The following SPMIP7 variants were observed in gnomAD, a reference collection of about 807,000 sequenced individuals.
The protein encoded by SPMIP7 is protein SPMIP7.
the SPMIP7 span, among the ~76,000 whole-genome samples, chr7:50,155,851 G>A: frequency 6.6e-6 from 1 of 151,894 alleles, no homozygotes; most frequent in African/African-American, 2.4e-5. Context: ...CACACATACT[G>A]CACATACAGC....
At chr7:50,151,578 T>A in the SPMIP7 span, 3 of 1,476,590 alleles carry the variant, frequency 2.0e-6, no homozygotes, top group Non-Finnish European at 2.8e-6. Context: ...ATCCTATTAC[T>A]CAATTTGCTC....
the SPMIP7 span, among the ~76,000 whole-genome samples, chr7:50,125,311 C>CAT: frequency 1.5e-5 from 1 of 66,616 alleles, no homozygotes; most frequent in Non-Finnish European, 3.4e-5. Context: ...TATATATACC[C>CAT]ATATATACAT....
At chr7:50,117,419 A>G in the SPMIP7 span, 2 of 257,578 alleles carry the variant, frequency 7.8e-6, no homozygotes, top group South Asian at 4.1e-5. Context: ...AGTCTTGCAC[A>G]CTGCAAAAAA....
At chr7:50,114,804 T>A in the SPMIP7 span, among the ~76,000 whole-genome samples, 1 of 151,254 alleles carries the variant, frequency 6.6e-6, no homozygotes, top group East Asian at 1.9e-4. Flanking sequence ...CTGAGGAGAG[T>A]GGACCACCTG....
At chr7:50,143,736 T>C in the SPMIP7 span, among the ~76,000 whole-genome samples, 1 of 152,216 alleles carries the variant, frequency 6.6e-6, no homozygotes, top group African/African-American at 2.4e-5. Context: ...TTAATAACAA[T>C]GACAATATAA....
the SPMIP7 span, among the ~76,000 whole-genome samples, chr7:50,156,337 G>A: frequency 6.6e-6 from 1 of 152,004 alleles, no homozygotes; most frequent in Non-Finnish European, 1.5e-5. Flanking sequence ...ACTTCCTCCT[G>A]ACTGTTTCTG....
At chr7:50,140,241 C>A in the SPMIP7 span, 1 of 994,614 alleles carries the variant, frequency 1.0e-6, no homozygotes, top group Non-Finnish European at 1.5e-6. Flanking sequence ...GTTGTAGTTG[C>A]TTTCAGCTCA....
At chr7:50,137,952 A>G in the SPMIP7 span, among the ~76,000 whole-genome samples, 2 of 151,846 alleles carry the variant, frequency 1.3e-5, no homozygotes, top group Non-Finnish European at 2.9e-5. Flanking sequence ...TGACTTTTTT[A>G]TTTTAAGACT....
the SPMIP7 span, among the ~76,000 whole-genome samples, chr7:50,145,964 A>G: frequency 3.3e-5 from 5 of 152,172 alleles, no homozygotes; most frequent in Admixed American, 1.3e-4. Flanking sequence ...AAGCATTTGC[A>G]AATAAAGAGG....
the SPMIP7 span, among the ~76,000 whole-genome samples, chr7:50,131,295 G>C: frequency 4.6e-5 from 7 of 152,184 alleles, no homozygotes; most frequent in African/African-American, 2.4e-5. Flanking sequence ...TGATTCTAAG[G>C]CTTTGGCCTA....
chr7:50,102,292 C>T, the SPMIP7 span, among the ~76,000 whole-genome samples: 2 of 152,166 alleles, frequency 1.3e-5, no homozygotes, highest in Admixed American at 1.3e-4. Context: ...CCACTGCACT[C>T]CAGCCTGGGC....
the SPMIP7 span, among the ~76,000 whole-genome samples, chr7:50,152,597 G>A: frequency 6.6e-6 from 1 of 152,074 alleles, no homozygotes; most frequent in Non-Finnish European, 1.5e-5. Flanking sequence ...ACGGCAGTTC[G>A]CCCCCAAAAG....
At chr7:50,142,415 C>T in the SPMIP7 span, 5 of 152,178 alleles carry the variant, frequency 3.3e-5, no homozygotes, top group Non-Finnish European at 7.4e-5. Flanking sequence ...ATTCCTGCCT[C>T]ATCTTGCTGT....
chr7:50,149,668 A>T, the SPMIP7 span, among the ~76,000 whole-genome samples: 6 of 151,996 alleles, frequency 3.9e-5, no homozygotes, highest in Non-Finnish European at 7.4e-5. Context: ...ATTTCCCTTC[A>T]CTTTGTTAGT....
the SPMIP7 span, among the ~76,000 whole-genome samples, chr7:50,149,713 A>G: frequency 6.6e-6 from 1 of 152,254 alleles, no homozygotes; most frequent in African/African-American, 2.4e-5. Flanking sequence ...CCTGCAAGCC[A>G]ATAAGTCATC....
chr7:50,129,502 C>T, the SPMIP7 span, among the ~76,000 whole-genome samples: 3 of 151,884 alleles, frequency 2.0e-5, no homozygotes, highest in Non-Finnish European at 1.5e-5. Context: ...CTTTAATATA[C>T]ATTTTGTGAA....
the SPMIP7 span, among the ~76,000 whole-genome samples, chr7:50,151,204 T>A: frequency 6.6e-6 from 1 of 152,152 alleles, no homozygotes; most frequent in Admixed American, 6.5e-5. Context: ...CAGAAAAACA[T>A]GAACTTGAAA....
the SPMIP7 span, among the ~76,000 whole-genome samples, chr7:50,127,121 A>G: frequency 3.3e-5 from 5 of 152,024 alleles, no homozygotes; most frequent in Non-Finnish European, 5.9e-5. Flanking sequence ...CAACCAACTC[A>G]TCTTCAACAA....
chr7:50,134,363 A>G, the SPMIP7 span: 2 of 878,570 alleles, frequency 2.3e-6, no homozygotes, highest in Non-Finnish European at 3.3e-6. Context: ...AAGTAAATTT[A>G]TGTAAGATAA....
Sources: allele counts gnomAD v4.1 joint callset (sites outside exome capture counted in the v4.1 genomes callset), GRCh38; gene constraint gnomAD v4.1.1; transcripts MANE v1.5; gene names NCBI Gene and HGNC (gene_info 2026-07-23, HGNC 2026-07-21).